The following KCNIP4 variants were observed in gnomAD, a reference collection of about 807,000 sequenced individuals.
KCNIP4 encodes potassium voltage-gated channel interacting protein 4.
Under a neutral mutation model 34.0 loss-of-function variants are expected in KCNIP4, and 12 were observed. The observed-to-expected ratio is 0.35, with a 90% CI of 0.23 to 0.57. The LOEUF is 0.57. Among genes scored for constraint, KCNIP4 ranks in the 20% least tolerant of loss-of-function variants. The pLI is 0.83. For synonymous variants in KCNIP4, 124 were observed against 102.2 expected (o/e 1.21, Z -1.29); for missense variants, 238 against 311.7 (o/e 0.76, Z 1.78).
chr4:21,669,659 G>A (rs1407907954), intron 1 of KCNIP4, among the ~76,000 whole-genome samples: 3 of 152,076 alleles, frequency 2.0e-5, no homozygotes, highest in Non-Finnish European at 4.4e-5. Flanking sequence ...AGCAGATAAT[G>A]CAAAGTATGA....
intron 1 of KCNIP4, among the ~76,000 whole-genome samples, chr4:21,045,743 C>T (rs776952579): frequency 1.3e-5 from 2 of 152,014 alleles, no homozygotes; most frequent in East Asian, 1.9e-4. Flanking sequence ...AACAGAGAAA[C>T]CTGAAGAGGA....
chr4:21,262,864 A>G (rs1365269671), intron 1 of KCNIP4, among the ~76,000 whole-genome samples: 7 of 152,200 alleles, frequency 4.6e-5, no homozygotes, highest in African/African-American at 1.2e-4. Flanking sequence ...CTCTCATTCA[A>G]CTGTGAACAA....
At chr4:21,514,132 C>A (rs150683785) in intron 1 of KCNIP4, among the ~76,000 whole-genome samples, 4 of 152,270 alleles carry the variant, frequency 2.6e-5, no homozygotes, top group East Asian at 3.9e-4. Context: ...TTCTAAAAAA[C>A]CAGAAAAATG....
intron 1 of KCNIP4, among the ~76,000 whole-genome samples, chr4:21,187,334 T>G (rs1046752621): frequency 3.9e-5 from 6 of 152,140 alleles, no homozygotes; most frequent in Non-Finnish European, 8.8e-5. Context: ...AGAGTGGAAA[T>G]AAAATGAAAT....
At chr4:21,369,490 G>A (rs779565858) in intron 1 of KCNIP4, among the ~76,000 whole-genome samples, 13 of 146,928 alleles carry the variant, frequency 8.8e-5, no homozygotes, top group Non-Finnish European at 1.5e-4. Context: ...CCAGCATTCT[G>A]GGGGGCCAAA....
In KCNIP4 at chr4:20,731,929, C is replaced by T. The variant is rs1748362991; in HGVS notation, c.705+77G>A. On this transcript the variant is annotated intron_variant, in intron 8 of 8. Transcript: ENST00000382152. ...TATGATCTCTATATTTCGCCCAGTT[C>T]ATGGTAGCTAGCTGCTAATACTCAG... The T allele has an allele frequency of 1.9e-5, 30 of 1,587,014 alleles. No homozygotes were observed. In the South Asian group the frequency reaches 3.1e-4, roughly 16 times the overall value.
chr4:20,915,688 A>G (rs889086692), intron 1 of KCNIP4, among the ~76,000 whole-genome samples: 1 of 152,174 alleles, frequency 6.6e-6, no homozygotes, highest in East Asian at 1.9e-4. Flanking sequence ...ATGTATATAT[A>G]TAGGTATATA....
chr4:21,785,289 C>T (rs1719829422), intron 1 of KCNIP4, among the ~76,000 whole-genome samples: 1 of 151,064 alleles, frequency 6.6e-6, no homozygotes, highest in Non-Finnish European at 1.5e-5. Context: ...ATTTATATCA[C>T]TTCGAAAAAA....
chr4:21,929,151 T>C (rs1199969885), intron 1 of KCNIP4, among the ~76,000 whole-genome samples: 1 of 152,106 alleles, frequency 6.6e-6, no homozygotes, highest in Admixed American at 6.6e-5. Context: ...TATTAAACAC[T>C]GCTCATGCAT....
At chr4:21,647,945 C>A (rs780399689) in intron 1 of KCNIP4, among the ~76,000 whole-genome samples, 6 of 139,276 alleles carry the variant, frequency 4.3e-5, no homozygotes, top group Non-Finnish European at 9.0e-5. Context: ...GTGATCTCGG[C>A]TCATTGCAAG....
chr4:21,257,272 A>G (rs907564863), intron 1 of KCNIP4, among the ~76,000 whole-genome samples: 3 of 152,092 alleles, frequency 2.0e-5, no homozygotes, highest in South Asian at 2.1e-4. Flanking sequence ...TTCTATACAC[A>G]TGTCTGGAGC....
chr4:21,754,234 C>A (rs992367898), intron 1 of KCNIP4, among the ~76,000 whole-genome samples: 1 of 152,086 alleles, frequency 6.6e-6, no homozygotes, highest in Non-Finnish European at 1.5e-5. Context: ...AGTTCTCCTT[C>A]TAAAAAATAT....
chr4:21,760,401 C>A (rs1418980145), intron 1 of KCNIP4, among the ~76,000 whole-genome samples: 1 of 151,594 alleles, frequency 6.6e-6, no homozygotes, highest in Non-Finnish European at 1.5e-5. Context: ...TAATTATTAA[C>A]AATGAAAAAC....
chr4:21,637,319 T>C (rs2109223315), intron 1 of KCNIP4, among the ~76,000 whole-genome samples: 1 of 152,272 alleles, frequency 6.6e-6, no homozygotes, highest in East Asian at 1.9e-4. Flanking sequence ...CTTCAGGTAA[T>C]GCCACCAGCT....
At chr4:20,935,651 A>C (rs1730987931) in intron 1 of KCNIP4, among the ~76,000 whole-genome samples, 1 of 152,190 alleles carries the variant, frequency 6.6e-6, no homozygotes, top group South Asian at 2.1e-4. Flanking sequence ...ACTCTCCAAT[A>C]TTTGATATAA....
At chr4:21,826,141 G>C (rs577523867) in intron 1 of KCNIP4, among the ~76,000 whole-genome samples, 7 of 152,250 alleles carry the variant, frequency 4.6e-5, no homozygotes, top group Admixed American at 3.3e-4. Flanking sequence ...AGTGGGCAGA[G>C]TATGTAGCAT....
chr4:21,768,091 A>G (rs1211653246), intron 1 of KCNIP4, among the ~76,000 whole-genome samples: 2 of 152,132 alleles, frequency 1.3e-5, no homozygotes, highest in Non-Finnish European at 2.9e-5. Context: ...ACCACCAACT[A>G]GTGCCGATAA....
chr4:20,835,640 A>T (rs1718949508), intron 3 of KCNIP4, among the ~76,000 whole-genome samples: 1 of 152,040 alleles, frequency 6.6e-6, no homozygotes, highest in East Asian at 1.9e-4. Context: ...ACCCTTAAAT[A>T]TGTATTTTCA....
At chr4:21,812,528 G>C (rs1721723406) in intron 1 of KCNIP4, among the ~76,000 whole-genome samples, 1 of 152,166 alleles carries the variant, frequency 6.6e-6, no homozygotes, top group African/African-American at 2.4e-5. Flanking sequence ...GGTTGGGCTA[G>C]TTATTAAATG....
Sources: allele counts gnomAD v4.1 joint callset (sites outside exome capture counted in the v4.1 genomes callset), GRCh38; gene constraint gnomAD v4.1.1; transcripts MANE v1.5; gene names NCBI Gene and HGNC (gene_info 2026-07-23, HGNC 2026-07-21).